Variants in KLHL1 observed in about 807,000 individuals in gnomAD.
KLHL1 encodes the protein kelch like family member 1.
A neutral mutation model predicts 77.7 loss-of-function variants in KLHL1; 47 were observed. The ratio of observed to expected loss-of-function variants is 0.60; its 90% CI spans 0.48 to 0.77. The LOEUF is 0.77. KLHL1 is among the 30% of genes least tolerant of loss of function. The pLI is 0.00. For synonymous variants in KLHL1, 360 were observed against 325.2 expected (o/e 1.11, Z -1.15); for missense variants, 925 against 910.8 (o/e 1.02, Z -0.20).
chr13:69,915,486 A>G (rs1377725218), intron 4 of KLHL1, among the ~76,000 whole-genome samples: 2 of 152,224 alleles, frequency 1.3e-5, no homozygotes, highest in Non-Finnish European at 2.9e-5. Context: ...AAAACGAGAA[A>G]TGGGGAAACG....
intron 1 of KLHL1, among the ~76,000 whole-genome samples, chr13:69,989,698 A>G (rs1056604695): frequency 4.6e-5 from 7 of 151,808 alleles, no homozygotes; most frequent in African/African-American, 1.7e-4. Flanking sequence ...CTGTATTTCT[A>G]GGTATTTTAT....
chr13:69,782,380 A>G (rs1036133481), intron 7 of KLHL1, among the ~76,000 whole-genome samples: 2 of 152,216 alleles, frequency 1.3e-5, no homozygotes, highest in African/African-American at 4.8e-5. Flanking sequence ...TCACTCGGGA[A>G]GCGCAAGGGG....
chr13:69,823,639 TC>T (rs1878429141), intron 6 of KLHL1, among the ~76,000 whole-genome samples: 1 of 152,108 alleles, frequency 6.6e-6, no homozygotes, highest in Non-Finnish European at 1.5e-5. Context: ...TACTTTGTTT[TC>T]TTTTGTATAA....
chr13:70,006,592 C>T (rs555817494), intron 1 of KLHL1, among the ~76,000 whole-genome samples: 22 of 150,988 alleles, frequency 1.5e-4, no homozygotes, highest in Non-Finnish European at 3.2e-4. Context: ...GCCATTTGTC[C>T]TGGGGCTTTC....
chr13:69,919,080 T>C lies in KLHL1; in HGVS notation c.1014+20960A>G, dbSNP rs73212539. ...CTTTGAAGAAGTGGTCTACCTTGTCTAACACCATAATGGTCTAATTCGGCA... is the reference window on the plus strand; with the variant it reads ...CTTTGAAGAAGTGGTCTACCTTGTCCAACACCATAATGGTCTAATTCGGCA... On this transcript the variant is annotated intron_variant, in intron 4 of 10. Transcript: ENST00000377844. Among the ~76,000 whole-genome samples, 1,146 of 152,086 alleles carry C rather than the reference T, an allele frequency of 7.5e-3. 11 individuals are homozygous for C. The highest frequency in any genetic ancestry group is 0.017 in the Middle Eastern group (5 of 294).
At chr13:69,886,812 G>A (rs866989549) in intron 4 of KLHL1, among the ~76,000 whole-genome samples, 2 of 152,100 alleles carry the variant, frequency 1.3e-5, no homozygotes, top group African/African-American at 4.8e-5. Flanking sequence ...CTTATACTCT[G>A]TGACCATTAG....
chr13:69,746,868 T>C (rs1028464490), intron 7 of KLHL1, among the ~76,000 whole-genome samples: 1 of 152,020 alleles, frequency 6.6e-6, no homozygotes, highest in African/African-American at 2.4e-5. Flanking sequence ...CTTTTCTGTC[T>C]AGGGAATTCC....
intron 5 of KLHL1, among the ~76,000 whole-genome samples, chr13:69,852,170 C>T (rs914610760): frequency 1.3e-5 from 2 of 151,864 alleles, no homozygotes; most frequent in African/African-American, 4.8e-5. Context: ...GAAAAAGGTA[C>T]TAATTTAATG....
chr13:70,006,726 C>T (rs901469182), intron 1 of KLHL1, among the ~76,000 whole-genome samples: 1 of 151,758 alleles, frequency 6.6e-6, no homozygotes, highest in Admixed American at 6.6e-5. Context: ...ATCCCAAAGG[C>T]AAAGTCACAT....
intron 4 of KLHL1, among the ~76,000 whole-genome samples, chr13:69,920,175 T>A (rs1882586651): frequency 6.6e-6 from 1 of 152,138 alleles, no homozygotes; most frequent in South Asian, 2.1e-4. Context: ...TTGAAAGAGT[T>A]TTTTTTAAAG....
chr13:69,826,445 T>C (rs1211379643), intron 6 of KLHL1, among the ~76,000 whole-genome samples: 1 of 152,240 alleles, frequency 6.6e-6, no homozygotes, highest in African/African-American at 2.4e-5. Context: ...AAACCCATAG[T>C]GGTGGGCACC....
intron 9 of KLHL1, among the ~76,000 whole-genome samples, chr13:69,712,278 C>T (rs1297601609): frequency 6.7e-6 from 1 of 150,052 alleles, no homozygotes; most frequent in African/African-American, 2.5e-5. Flanking sequence ...TTTTTTAAGG[C>T]GATCTCCTGT....
intron 2 of KLHL1, among the ~76,000 whole-genome samples, chr13:69,964,289 G>A (rs772281958): frequency 1.4e-4 from 21 of 152,108 alleles, no homozygotes; most frequent in Non-Finnish European, 2.5e-4. Flanking sequence ...TAATCCTCCT[G>A]CCTTAGCCTA....
chr13:69,970,259 T>C (rs994956704), intron 2 of KLHL1, among the ~76,000 whole-genome samples: 1 of 152,168 alleles, frequency 6.6e-6, no homozygotes, highest in Non-Finnish European at 1.5e-5. Flanking sequence ...GGACATTTCA[T>C]TATAACTAAA....
intron 1 of KLHL1, among the ~76,000 whole-genome samples, chr13:70,029,361 A>G (rs546609570): frequency 6.6e-6 from 1 of 152,326 alleles, no homozygotes; most frequent in Non-Finnish European, 1.5e-5. Context: ...TTGATTCTCC[A>G]CTTTACACTC....
chr13:69,945,047 G>A (rs894549817), intron 3 of KLHL1, among the ~76,000 whole-genome samples: 3 of 134,874 alleles, frequency 2.2e-5, no homozygotes, highest in Non-Finnish European at 4.5e-5. Flanking sequence ...GTGCAGTGGC[G>A]CCATCTTGGA....
intron 1 of KLHL1, among the ~76,000 whole-genome samples, chr13:70,083,514 G>T (rs527771526): frequency 1.3e-5 from 2 of 152,170 alleles, no homozygotes; most frequent in Admixed American, 6.5e-5. Context: ...TTAGACTAGT[G>T]ATATACTTAT....
chr13:69,917,839 AAC>A (rs2138257861), intron 4 of KLHL1, among the ~76,000 whole-genome samples: 1 of 152,206 alleles, frequency 6.6e-6, no homozygotes, highest in East Asian at 1.9e-4. Context: ...ATAACCACAA[AAC>A]ACTGTATTTT....
chr13:69,765,511 T>C (rs1875257304), intron 7 of KLHL1, among the ~76,000 whole-genome samples: 1 of 152,094 alleles, frequency 6.6e-6, no homozygotes. Flanking sequence ...CTAGGTAATA[T>C]TAAAAAGGAA....
Sources: allele counts gnomAD v4.1 joint callset (sites outside exome capture counted in the v4.1 genomes callset), GRCh38; gene constraint gnomAD v4.1.1; transcripts MANE v1.5; gene names NCBI Gene and HGNC (gene_info 2026-07-23, HGNC 2026-07-21).